Variants in EXOG observed in about 807,000 individuals in gnomAD.
EXOG encodes the protein nuclease EXOG, mitochondrial.
EXOG carries 27 observed loss-of-function variants against 25.8 expected under a neutral mutation model. The ratio of observed to expected loss-of-function variants is 1.05; its 90% confidence interval spans 0.77 to 1.45. The LOEUF (loss-of-function observed/expected upper bound fraction) is 1.45, where lower values mean the gene tolerates loss of function less well. EXOG is among the 40% of genes most tolerant of loss of function. The probability of loss-of-function intolerance (pLI) is 0.00; values close to 1 mark genes in which losing one functional copy is unlikely to be tolerated. For synonymous variants in EXOG, 133 were observed against 167.0 expected, an observed-to-expected ratio of 0.80 and a Z score of 1.57; for missense variants, 458 against 450.5, an observed-to-expected ratio of 1.02 and a Z score of -0.15.
rs780583804 is a variant in EXOG at position 38,523,945 on chromosome 3, G to A, written c.690G>A (p.Lys230=). Residue 230 remains lysine (K), a synonymous_variant, in exon 6 of 6, where the codon AAG becomes AAA. Coordinates refer to ENST00000287675, the MANE Select transcript of EXOG (RefSeq NM_005107.4). ...DNVAVPSHLY[K]VILARRSSVS... is the part of the protein sequence containing the mutation. ...TGGCAGTCCCCTCACACCTTTATAA[G>A]GTAATCCTGGCCCGCAGAAGCTCAG... 1 of 1,599,280 alleles carries A rather than the reference G, an allele frequency of 6.3e-7. No homozygotes were observed. Among genetic ancestry groups the A allele is most frequent in the Non-Finnish European group, 8.5e-7 (1 of 1,172,478 alleles).
chr3:38,508,429 T>C (rs761030432), intron 5 of EXOG, among the ~76,000 whole-genome samples: 50 of 152,146 alleles, frequency 3.3e-4, no homozygotes, highest in Non-Finnish European at 4.4e-4. Context: ...TTTAATCTTA[T>C]CATGCAGAAA....
chr3:38,497,602 C>A, intron 1 of EXOG, 27 bp from the exon 2 acceptor site: 1 of 1,510,500 alleles, frequency 6.6e-7, no homozygotes, highest in Non-Finnish European at 8.7e-7. Flanking sequence ...TCTCTGCCCC[C>A]CCTTTTTTTT....
At chr3:38,519,908 C>T (rs1227244232) in intron 5 of EXOG, among the ~76,000 whole-genome samples, 8 of 152,160 alleles carry the variant, frequency 5.3e-5, no homozygotes, top group Admixed American at 3.9e-4. Flanking sequence ...CCCTCAGGTT[C>T]GGATTTCCTG....
chr3:38,518,065 G>T (rs2060601575), intron 5 of EXOG, among the ~76,000 whole-genome samples: 1 of 152,070 alleles, frequency 6.6e-6, no homozygotes, highest in African/African-American at 2.4e-5. Flanking sequence ...TTCTTGCCAA[G>T]AATTTAATTG....
chr3:38,503,751 A>G (rs1469832651), intron 4 of EXOG, 60 bp downstream of exon 4: 3 of 971,182 alleles, frequency 3.1e-6, no homozygotes, highest in African/African-American at 3.2e-5. Flanking sequence ...TGACAGGAGA[A>G]TGTACTGATG....
At chr3:38,508,326 A>G (rs1449138861) in intron 5 of EXOG, among the ~76,000 whole-genome samples, 1 of 152,158 alleles carries the variant, frequency 6.6e-6, no homozygotes, top group Non-Finnish European at 1.5e-5. Context: ...TCAGACATCT[A>G]ATGTTGCTGG....
At chr3:38,496,572 C>G (rs2059894804) in intron 1 of EXOG, 42 bp downstream of exon 1, 1 of 1,584,782 alleles carries the variant, frequency 6.3e-7, no homozygotes. Flanking sequence ...GCCCAGATTT[C>G]GGGCTCCGAC....
chr3:38,517,411 C>A (rs2060579649), intron 5 of EXOG, among the ~76,000 whole-genome samples: 1 of 152,240 alleles, frequency 6.6e-6, no homozygotes, highest in Non-Finnish European at 1.5e-5. Context: ...TTCCTACTTT[C>A]TGGTATAAGG....
chr3:38,523,153 G>A (rs1340859837), intron 5 of EXOG: 2 of 1,261,518 alleles, frequency 1.6e-6, no homozygotes, highest in East Asian at 1.1e-4. Flanking sequence ...CATAAACTAA[G>A]GCCATGTTTT....
intron 5 of EXOG, among the ~76,000 whole-genome samples, chr3:38,515,095 T>C (rs1181063177): frequency 6.6e-6 from 1 of 152,110 alleles, no homozygotes; most frequent in African/African-American, 2.4e-5. Context: ...GATAACTTTT[T>C]TTTGCTTTGG....
chr3:38,503,798 C>A, intron 4 of EXOG, 107 bp downstream of exon 4: 1 of 666,814 alleles, frequency 1.5e-6, no homozygotes, highest in South Asian at 2.2e-5. Flanking sequence ...TTTTCAAAAG[C>A]TAAGCCTCTG....
intron 2 of EXOG, among the ~76,000 whole-genome samples, chr3:38,498,238 A>G (rs899491795): frequency 6.6e-6 from 1 of 152,172 alleles, no homozygotes; most frequent in African/African-American, 2.4e-5. Context: ...GGTGATTGCA[A>G]GTTAGTGTAG....
At chr3:38,498,956 C>T (rs1440743394) in intron 2 of EXOG, 1 of 456,706 alleles carries the variant, frequency 2.2e-6, no homozygotes, top group East Asian at 6.9e-5. Context: ...CTCCTAGCAT[C>T]ATTGTTTCTT....
At chr3:38,511,839 C>G (rs2060379964) in intron 5 of EXOG, among the ~76,000 whole-genome samples, 2 of 152,134 alleles carry the variant, frequency 1.3e-5, no homozygotes, top group South Asian at 4.1e-4. Context: ...GTTTACCTCA[C>G]CGAGTTGCTA....
Position 38,496,392 on chromosome 3 carries a change from C to A in EXOG, c.25C>A (p.Arg9Ser). The change falls in exon 1 of 6, where the codon CGC (arginine) becomes AGC (serine). Residue 9 changes from arginine (R) to serine (S), a missense_variant. Arg to Ser is a moderately radical substitution (Grantham distance 110). This residue lies in a region of EXOG where 275 missense variants were observed against 230.5 expected (regional missense o/e 1.19). Transcript: ENST00000287675. Reference protein sequence around the residue: MAIKSIASRLRGSRRFLSG... With the variant: MAIKSIASSLRGSRRFLSG... ...GATGGCTATCAAGAGTATCGCTTCC[C>A]GCCTCCGGGGTTCCCGTCGTTTTCT... 6.2e-7 allele frequency: 1 copy of A among 1,613,896 alleles called. No individual in the cohort carries two copies.
intron 1 of EXOG, chr3:38,497,211 G>A (rs2059917870): frequency 3.0e-6 from 3 of 1,009,122 alleles, no homozygotes; most frequent in Non-Finnish European, 3.5e-6. Flanking sequence ...GAAGGCATCG[G>A]GGAGGATTAT....
Position 38,523,948 on chromosome 3 carries a change from A to C in EXOG, c.693A>C (p.Val231=). 6.2e-7 allele frequency: 1 copy of C among 1,600,430 alleles called. No homozygotes were observed. The highest frequency in any genetic ancestry group is 8.5e-7 in the Non-Finnish European group (1 of 1,173,064). The change falls in exon 6 of 6, where the codon GTA becomes GTC. Residue 231 remains valine (V), a synonymous_variant. Transcript: ENST00000287675. ...NVAVPSHLYK[V]ILARRSSVST... is the part of the protein sequence containing the mutation. ...CAGTCCCCTCACACCTTTATAAGGT[A>C]ATCCTGGCCCGCAGAAGCTCAGTAT...
chr3:38,497,649 T>G lies in EXOG; in HGVS notation c.184T>G (p.Leu62Val). 1 of 1,591,860 alleles carries G rather than the reference T, an allele frequency of 6.3e-7. No homozygotes were observed. Among genetic ancestry groups the G allele is most frequent in the East Asian group, 2.3e-5 (1 of 44,372 alleles). ...TTTAGGATCTGCAGAAAAGGCTGTC[T>G]TGGAACAATTTGGATTCCCTTTAAC... ...QPDGSAEKAV[L>V]EQFGFPLTGT... is the part of the protein sequence containing the mutation. The change falls in exon 2 of 6, where the codon TTG becomes GTG. Residue 62 changes from leucine (L) to valine (V), a missense_variant. Leu to Val is a conservative substitution (Grantham distance 32). Coordinates refer to ENST00000287675, the MANE Select transcript of EXOG (RefSeq NM_005107.4).
intron 5 of EXOG, chr3:38,523,120 C>T: frequency 1.1e-6 from 1 of 929,136 alleles, no homozygotes; most frequent in South Asian, 1.4e-5. Context: ...TAAGGGCTAT[C>T]TGTTTAGTTC....
Sources: gnomAD v4.1 joint callset for allele counts (sites outside exome capture counted in the v4.1 genomes callset) on GRCh38, gnomAD v4.1.1 for gene constraint, gnomAD v4.1.1 regional missense constraint, MANE v1.5 for transcripts, NCBI Gene and HGNC (gene_info 2026-07-23, HGNC 2026-07-21) for gene names.